The following CNTNAP3B variants were observed in gnomAD, a reference collection of about 807,000 sequenced individuals.
The protein encoded by CNTNAP3B is contactin-associated protein-like 3B.
A neutral mutation model predicts 108.9 loss-of-function variants in CNTNAP3B; 25 were observed. That is an observed-to-expected ratio of 0.23 (90% CI 0.17 to 0.32). The LOEUF (loss-of-function observed/expected upper bound fraction) is 0.32. Among genes scored for constraint, CNTNAP3B ranks in the 10% least tolerant of loss-of-function variants. The pLI is 1.00. For synonymous variants in CNTNAP3B, 103 were observed against 473.4 expected, an observed-to-expected ratio of 0.22 and a Z score of 10.16; for missense variants, 252 against 1,210.4, an observed-to-expected ratio of 0.21 and a Z score of 11.75.
intron 2 of CNTNAP3B, among the ~76,000 whole-genome samples, chr9:42,098,392 T>C (rs1251285547): frequency 9.7e-6 from 1 of 102,966 alleles, no homozygotes; most frequent in Non-Finnish European, 1.9e-5. Context: ...GCTAACATGG[T>C]GAAACCCCTT....
At chr9:42,112,056 T>G (rs1415683445) in intron 1 of CNTNAP3B, among the ~76,000 whole-genome samples, 1 of 139,732 alleles carries the variant, frequency 7.2e-6, no homozygotes, top group Non-Finnish European at 1.5e-5. Context: ...CGTTACTCTC[T>G]GCACTACAGC....
chr9:42,125,259 C>T lies in CNTNAP3B; in HGVS notation c.85+3751G>A, dbSNP rs974514071. Among the ~76,000 whole-genome samples the T allele has an allele frequency of 1.4e-5, 2 of 138,962 alleles. 1 individual carries two copies. The highest frequency in any genetic ancestry group is 5.7e-5 in the African/African-American group (2 of 34,834). 91.2% of individuals were successfully genotyped at this position (138,962 alleles called of 152,430 possible). A position where few individuals can be genotyped will look rare whatever the true frequency, so the allele number is the denominator to read the frequency against. ...GAATAGTATTTAGTTGCCTTGTTTT[C>T]TTAGCCTCTGTCAATCTGGAATGCC... On this transcript the variant is annotated intron_variant, in intron 1 of 23. Coordinates refer to ENST00000377561, the MANE Select transcript of CNTNAP3B (RefSeq NM_001201380.3).
chr9:41,931,213 T>C (rs1823968695), intron 14 of CNTNAP3B, among the ~76,000 whole-genome samples: 2 of 152,408 alleles, frequency 1.3e-5, no homozygotes, highest in South Asian at 2.1e-4. Context: ...GTCAGAGTTG[T>C]ACATATACTG....
In CNTNAP3B at chr9:42,109,406, CA is replaced by C. The variant is rs531511823; in HGVS notation, c.86-4668del. ...TAAACATAAACCATGCATTTTCAAACAGCAATTCATTATTCTGGGATCTGAT... is the reference window on the plus strand; with the variant it reads ...TAAACATAAACCATGCATTTTCAAACGCAATTCATTATTCTGGGATCTGAT... On this transcript the variant is annotated intron_variant, in intron 1 of 23. Coordinates refer to ENST00000377561, the MANE Select transcript of CNTNAP3B (RefSeq NM_001201380.3). 3.8e-4 allele frequency among the ~76,000 whole-genome samples: 56 copies of C among 145,470 alleles called. No individual in the cohort carries two copies. In the South Asian group the frequency reaches 0.012, roughly 31 times the overall value.
chr9:41,962,976 CA>C (rs66540067), intron 11 of CNTNAP3B, among the ~76,000 whole-genome samples: 2 of 147,144 alleles, frequency 1.4e-5, no homozygotes, highest in South Asian at 2.1e-4. Context: ...AACAAACAAA[CA>C]AAAAAAAGAA....
intron 3 of CNTNAP3B, among the ~76,000 whole-genome samples, chr9:42,075,545 G>C (rs1255898779): frequency 7.7e-6 from 1 of 129,440 alleles, no homozygotes; most frequent in Non-Finnish European, 1.6e-5. Flanking sequence ...CCGCAGGCTA[G>C]TAACCTTTCA....
chr9:42,005,431 G>A (rs1826073221), intron 4 of CNTNAP3B, among the ~76,000 whole-genome samples: 1 of 97,494 alleles, frequency 1.0e-5, no homozygotes, highest in Non-Finnish European at 2.1e-5. Context: ...TGCCTGCCTT[G>A]GCCTCCTAAA....
Position 41,915,744 on chromosome 9 carries a change from GTT to G in CNTNAP3B, c.2995+4324_2995+4325del, listed in dbSNP as rs1215716514. 9.5e-3 allele frequency among the ~76,000 whole-genome samples: 1,082 copies of G among 113,834 alleles called. 1 individual carries two copies. Among genetic ancestry groups the G allele is most frequent in the African/African-American group, 0.032 (995 of 30,930 alleles). 74.7% of individuals were successfully genotyped at this position (113,834 alleles called of 152,430 possible). ...TTTCAGCAACAATTAAGATAATCAT[GTT>G]TTTTTTTCCCCTCTCATTCTATTAA... On this transcript the variant is annotated intron_variant, in intron 18 of 23. Transcript: ENST00000377561.
chr9:41,931,560 A>G (rs1354375758), intron 14 of CNTNAP3B, among the ~76,000 whole-genome samples: 5 of 152,076 alleles, frequency 3.3e-5, no homozygotes, highest in African/African-American at 4.8e-5. Context: ...TTAATGGTAA[A>G]GAAAGCTTAT....
At position 42,086,346 on chromosome 9, in the gene CNTNAP3B, A is replaced by G. The variant is rs546642799; in HGVS notation, c.197-9284T>C. 3.0e-3 allele frequency among the ~76,000 whole-genome samples: 412 copies of G among 135,798 alleles called. 14 individuals are homozygous for G. Among genetic ancestry groups the G allele is most frequent in the Non-Finnish European group, 4.9e-3 (314 of 63,678 alleles). 89.1% of individuals were successfully genotyped at this position (135,798 alleles called of 152,430 possible). On this transcript the variant is annotated intron_variant, in intron 2 of 23. Transcript: ENST00000377561. ...GAGATCTGAGTGGGGACACAGCCAA[A>G]CCATATCATCTACTATGAATAATGT...
At chr9:42,100,217 C>T (rs1250098274) in intron 2 of CNTNAP3B, among the ~76,000 whole-genome samples, 3 of 79,068 alleles carry the variant, frequency 3.8e-5, no homozygotes, top group Non-Finnish European at 5.3e-5. Flanking sequence ...TCCCACATTC[C>T]TTTAACCTGA....
Position 41,983,639 on chromosome 9 carries a change from C to T in CNTNAP3B, c.1477+2529G>A, listed in dbSNP as rs1475328013. On this transcript the variant is annotated intron_variant, in intron 9 of 23. Coordinates refer to ENST00000377561, the MANE Select transcript of CNTNAP3B (RefSeq NM_001201380.3). Reference sequence around the variant, plus strand: ...TCTCAGATCACTAACAATCTTGGACCGATGATGATTCCTTAAGCCAACTTC... The same window carrying T: ...TCTCAGATCACTAACAATCTTGGACTGATGATGATTCCTTAAGCCAACTTC... 4.3e-5 allele frequency: 4 copies of T among 92,886 alleles called. 1 individual carries two copies. Among genetic ancestry groups the T allele is most frequent in the Middle Eastern group, 5.4e-3 (1 of 184 alleles). The allele number at this position is 92,886 out of a possible 1,614,324, so 5.8% of individuals were successfully genotyped here.
In CNTNAP3B at chr9:41,990,470, A is replaced by G. The variant is rs540664505; in HGVS notation, c.1333+1140T>C. On this transcript the variant is annotated intron_variant, in intron 8 of 23. Transcript: ENST00000377561. Reference sequence around the variant, plus strand: ...CCAGGACTTGCCTGATTGTTCCAGAAGTACTGAGATAAGGCCCCGCCCTCC... The same window carrying G: ...CCAGGACTTGCCTGATTGTTCCAGAGGTACTGAGATAAGGCCCCGCCCTCC... 2.3e-5 allele frequency among the ~76,000 whole-genome samples: 3 copies of G among 132,000 alleles called. 1 individual carries two copies. In the South Asian group the frequency reaches 7.5e-4, roughly 33 times the overall value. 86.6% of individuals were successfully genotyped at this position (132,000 alleles called of 152,430 possible).
chr9:42,041,426 A>T (rs939127717), intron 3 of CNTNAP3B, among the ~76,000 whole-genome samples: 4 of 151,494 alleles, frequency 2.6e-5, no homozygotes, highest in African/African-American at 9.8e-5. Flanking sequence ...AAGTGGGCAA[A>T]GGATATGAAC....
At chr9:41,927,566 G>A in intron 15 of CNTNAP3B, among the ~76,000 whole-genome samples, 1 of 151,574 alleles carries the variant, frequency 6.6e-6, no homozygotes, top group Non-Finnish European at 1.5e-5. Context: ...AGGAAGGAAG[G>A]AAGGAGCCAT....
chr9:42,002,737 A>G (rs1826025390), intron 4 of CNTNAP3B, among the ~76,000 whole-genome samples: 1 of 127,022 alleles, frequency 7.9e-6, no homozygotes, highest in Non-Finnish European at 1.6e-5. Flanking sequence ...TTCTGTAAAC[A>G]GGCATCTGGT....
Position 42,042,196 on chromosome 9 carries a change from A to C in CNTNAP3B, c.391-28671T>G, listed in dbSNP as rs553372089. Among the ~76,000 whole-genome samples the C allele has an allele frequency of 8.5e-5, 10 of 117,162 alleles. No homozygotes were observed. In the South Asian group the frequency reaches 2.4e-3, roughly 28 times the overall value. 76.9% of individuals were successfully genotyped at this position (117,162 alleles called of 152,430 possible). A position where few individuals can be genotyped will look rare whatever the true frequency, so the allele number is the denominator to read the frequency against. On this transcript the variant is annotated intron_variant, in intron 3 of 23. Coordinates refer to ENST00000377561, the MANE Select transcript of CNTNAP3B (RefSeq NM_001201380.3). The stretch of plus-strand genomic sequence containing the variant: ...TGTATACATATGTAACAAACCTGCT[A>C]CGTTGTACACATGTACCCTAGAACT...
intron 4 of CNTNAP3B, among the ~76,000 whole-genome samples, chr9:42,003,752 G>A (rs1441022441): frequency 7.2e-6 from 1 of 138,014 alleles, no homozygotes; most frequent in Non-Finnish European, 1.5e-5. Context: ...TTGAGGTCAG[G>A]AGTTCAAGAC....
chr9:41,980,691 A>G (rs961296890), intron 9 of CNTNAP3B: 15 of 148,200 alleles, frequency 1.0e-4, no homozygotes, highest in Non-Finnish European at 1.6e-4. Flanking sequence ...TTTTCTCAAC[A>G]TCCCTTCATG....
Sources: allele counts gnomAD v4.1 joint callset (sites outside exome capture counted in the v4.1 genomes callset), GRCh38; gene constraint gnomAD v4.1.1; transcripts MANE v1.5; gene names NCBI Gene and HGNC (gene_info 2026-07-23, HGNC 2026-07-21).